The following TEX9 variants were observed in gnomAD, a reference collection of about 807,000 sequenced individuals.
TEX9 encodes testis-expressed protein 9.
In TEX9, 74 loss-of-function variants were observed where a neutral mutation model predicts 59.6. The observed-to-expected ratio is 1.24, with a 90% CI of 1.03 to 1.51. TEX9 has a LOEUF of 1.51. TEX9 is among the 40% of genes most tolerant of loss of function. TEX9 has a pLI of 0.00. For synonymous variants in TEX9, 186 were observed against 152.2 expected, an observed-to-expected ratio of 1.22 and a Z score of -1.64; for missense variants, 522 against 447.8, an observed-to-expected ratio of 1.17 and a Z score of -1.49.
rs189444531 is a variant in TEX9 at position 56,324,994 on chromosome 15, C to T, written c.-106-48447C>T. On this transcript the variant is annotated intron_variant, in intron 1 of 5. Coordinates refer to the TEX9 transcript ENST00000560827. ...AAAGACCAATAGTTCTTACCTACCT[C>T]TAGTCATCAGAAGGTTCCAATAGAG... is the stretch of plus-strand genomic sequence containing the variant. Among the ~76,000 whole-genome samples the T allele has an allele frequency of 2.4e-4, 37 of 152,266 alleles. 1 individual carries two copies. The highest frequency in any genetic ancestry group is 8.7e-4 in the African/African-American group (36 of 41,550).
intron 1 of TEX9, among the ~76,000 whole-genome samples, chr15:56,358,004 T>C (rs1011832780): frequency 9.2e-5 from 14 of 152,156 alleles, no homozygotes; most frequent in African/African-American, 3.1e-4. Context: ...CCTGGGAATT[T>C]AGTGGGCTTA....
intron 1 of TEX9, among the ~76,000 whole-genome samples, chr15:56,318,008 A>C (rs772791218): frequency 6.6e-6 from 1 of 152,142 alleles, no homozygotes; most frequent in Non-Finnish European, 1.5e-5. Context: ...GTTGGTTTAT[A>C]GCATTTTTCA....
intron 1 of TEX9, among the ~76,000 whole-genome samples, chr15:56,348,616 A>G (rs1186385420): frequency 6.6e-6 from 1 of 152,124 alleles, no homozygotes; most frequent in African/African-American, 2.4e-5. Context: ...GATTCAAATC[A>G]CTGTTGCCAT....
At chr15:56,361,095 C>CA (rs770537690), upstream of TEX9, among the ~76,000 whole-genome samples, 6 of 152,136 alleles carry the variant, frequency 3.9e-5, no homozygotes, top group Non-Finnish European at 8.8e-5. Flanking sequence ...CAGAAAATAA[C>CA]ACAGAACAGG....
chr15:56,284,102 A>C (rs556777961), intron 1 of TEX9, among the ~76,000 whole-genome samples: 3 of 152,216 alleles, frequency 2.0e-5, no homozygotes, highest in Non-Finnish European at 4.4e-5. Flanking sequence ...ACATTTTAGC[A>C]ATGTGTCAAG....
At chr15:56,338,697 A>G (rs2046305940) in intron 1 of TEX9, among the ~76,000 whole-genome samples, 2 of 152,274 alleles carry the variant, frequency 1.3e-5, no homozygotes, top group Non-Finnish European at 1.5e-5. Flanking sequence ...TGGGTGGATC[A>G]CCTGAGGTCA....
chr15:56,247,624 G>GGA (rs2043892522), intron 1 of TEX9, among the ~76,000 whole-genome samples: 1 of 152,160 alleles, frequency 6.6e-6, no homozygotes, highest in Non-Finnish European at 1.5e-5. Flanking sequence ...GGGAAAAGAA[G>GGA]GAGAGAGAGA....
intron 1 of TEX9, among the ~76,000 whole-genome samples, chr15:56,327,731 A>G (rs1328622579): frequency 2.0e-5 from 3 of 152,148 alleles, no homozygotes; most frequent in African/African-American, 7.2e-5. Flanking sequence ...TTTGCATTGG[A>G]AACTGGTGCT....
At chr15:56,358,502 AG>A (rs1336797948) in intron 1 of TEX9, among the ~76,000 whole-genome samples, 19 of 152,270 alleles carry the variant, frequency 1.2e-4, no homozygotes, top group African/African-American at 3.8e-4. Context: ...AATATCGTAG[AG>A]AGAGTTCCCA....
intron 3 of TEX9, among the ~76,000 whole-genome samples, chr15:56,381,499 T>C (rs1350201661): frequency 5.3e-5 from 8 of 152,232 alleles, no homozygotes; most frequent in African/African-American, 1.4e-4. Context: ...AGTTAAGTAC[T>C]GTAGTCTTCA....
At chr15:56,272,638 C>T (rs765815492) in intron 1 of TEX9, among the ~76,000 whole-genome samples, 18 of 152,214 alleles carry the variant, frequency 1.2e-4, no homozygotes, top group East Asian at 3.9e-4. Flanking sequence ...AGGAGTAGAA[C>T]GGCTGAGTCA....
At chr15:56,290,543 C>T (rs377096163) in intron 1 of TEX9, among the ~76,000 whole-genome samples, 1 of 152,074 alleles carries the variant, frequency 6.6e-6, no homozygotes, top group African/African-American at 2.4e-5. Flanking sequence ...TGACCTTCTA[C>T]GGTCCTCAAA....
intron 1 of TEX9, among the ~76,000 whole-genome samples, chr15:56,332,769 G>A (rs558502636): frequency 7.2e-5 from 11 of 151,892 alleles, no homozygotes; most frequent in African/African-American, 2.7e-4. Context: ...TGTACAAACC[G>A]TTAGCCAGAA....
intron 9 of TEX9, among the ~76,000 whole-genome samples, chr15:56,401,309 A>C (rs1459903965): frequency 1.9e-4 from 1 of 5,220 alleles, no homozygotes; most frequent in East Asian, 1.6e-3. Context: ...AATTGAAAGC[A>C]AAAAAAAAAA....
chr15:56,452,901 T>C, the TEX9 span, among the ~76,000 whole-genome samples: 3 of 152,172 alleles, frequency 2.0e-5, no homozygotes, highest in South Asian at 2.1e-4. Context: ...AAGCCTAGTT[T>C]CCAGAAACCA....
chr15:56,411,402 C>A (rs1231800478), intron 9 of TEX9, among the ~76,000 whole-genome samples: 6 of 152,066 alleles, frequency 3.9e-5, no homozygotes, highest in African/African-American at 1.2e-4. Flanking sequence ...GCTATACAAG[C>A]TTTGAAGAGG....
chr15:56,345,192 C>T (rs1032483160), intron 1 of TEX9, among the ~76,000 whole-genome samples: 5 of 151,508 alleles, frequency 3.3e-5, no homozygotes, highest in Non-Finnish European at 7.4e-5. Context: ...ATTAAGAGAC[C>T]TCCACTGAAT....
chr15:56,256,791 T>C (rs748412818), intron 1 of TEX9, among the ~76,000 whole-genome samples: 1 of 152,252 alleles, frequency 6.6e-6, no homozygotes, highest in South Asian at 2.1e-4. Flanking sequence ...TTAAAAGTTT[T>C]AAGTTTAGGG....
intron 1 of TEX9, among the ~76,000 whole-genome samples, chr15:56,339,096 A>T (rs2046314618): frequency 6.6e-6 from 1 of 151,768 alleles, no homozygotes; most frequent in Admixed American, 6.6e-5. Flanking sequence ...GAATAGGAGA[A>T]TACAGGCCTG....
Sources: gnomAD v4.1 joint callset for allele counts (sites outside exome capture counted in the v4.1 genomes callset) on GRCh38, gnomAD v4.1.1 for gene constraint, MANE v1.5 for transcripts, NCBI Gene and HGNC (gene_info 2026-07-23, HGNC 2026-07-21) for gene names.